TENM3: variants seen among roughly 807,000 people sequenced by gnomAD.
The protein encoded by TENM3 is teneurin-3.
A neutral mutation model predicts 255.1 loss-of-function variants in TENM3; 63 were observed. That is an observed-to-expected ratio of 0.25 (90% CI 0.20 to 0.30). The LOEUF (loss-of-function observed/expected upper bound fraction) is 0.30, where lower values mean the gene tolerates loss of function less well. Among genes scored for constraint, TENM3 ranks in the 10% least tolerant of loss-of-function variants. The pLI is 1.00. For missense variants in TENM3, 2,929 were observed against 3,461.1 expected (o/e 0.85, Z 3.86); for synonymous variants, 1,306 against 1,322.3 (o/e 0.99, Z 0.27).
At chr4:181,767,120 C>T in the TENM3 span, among the ~76,000 whole-genome samples, 39 of 144,740 alleles carry the variant, frequency 2.7e-4, no homozygotes, top group South Asian at 4.5e-4. Flanking sequence ...GGCGTGGTGG[C>T]GGGCGCCTGT....
At chr4:182,330,101 G>C (rs1347097177) in intron 2 of TENM3, among the ~76,000 whole-genome samples, 1 of 152,044 alleles carries the variant, frequency 6.6e-6, no homozygotes, top group East Asian at 1.9e-4. Context: ...CTTATTTGCA[G>C]AGAAGATACT....
chr4:182,517,596 GA>G (rs1175938834), intron 3 of TENM3, among the ~76,000 whole-genome samples: 1 of 131,112 alleles, frequency 7.6e-6, no homozygotes, highest in African/African-American at 2.9e-5. Context: ...TGTTAGCCAG[GA>G]TGGTCTCGAT....
In TENM3 at chr4:182,719,259, T is replaced by C. The variant is rs200790878; in HGVS notation, c.2368+5026T>C. On this transcript the variant is annotated intron_variant, in intron 13 of 27. Coordinates refer to ENST00000511685, the MANE Select transcript of TENM3 (RefSeq NM_001080477.4). ...TAGAGTTCTTTTTTTTTTCTTTTTTTTTTTTTTTTTTTTTTTTTTTGAGAC... is the reference window on the plus strand; with the variant it reads ...TAGAGTTCTTTTTTTTTTCTTTTTTCTTTTTTTTTTTTTTTTTTTTGAGAC... Among the ~76,000 whole-genome samples, 1,023 of 106,800 alleles carry C rather than the reference T, an allele frequency of 9.6e-3. 19 individuals are homozygous for C. Among genetic ancestry groups the C allele is most frequent in the South Asian group, 0.012 (40 of 3,208 alleles). The allele number at this position is 106,800 out of a possible 152,430, so 70.1% of individuals were successfully genotyped here.
the TENM3 span, among the ~76,000 whole-genome samples, chr4:182,067,746 A>G: frequency 1.3e-5 from 2 of 152,212 alleles, no homozygotes; most frequent in African/African-American, 4.8e-5. Context: ...TGCTCTGCTC[A>G]GGGATTAACC....
chr4:182,792,669 G>C lies in TENM3; in HGVS notation c.5997G>C (p.Leu1999=), dbSNP rs1284685181. ...TTAGATACAGGCAAATTGGTCCCCTGATTGACAGGCAGATTTTCCGCTTTA... is the reference window on the plus strand; with the variant it reads ...TTAGATACAGGCAAATTGGTCCCCTCATTGACAGGCAGATTTTCCGCTTTA... The part of the protein sequence containing the change: ...CTIRYRQIGP[L]IDRQIFRFSE... Residue 1999 remains leucine, a synonymous_variant, in exon 26 of 28, where the codon CTG becomes CTC. Coordinates refer to ENST00000511685, the MANE Select transcript of TENM3 (RefSeq NM_001080477.4). This position sits in a 1 kb window ranked among gnomAD's most constrained non-coding sequence, Gnocchi z 6.3. 6.2e-7 allele frequency: 1 copy of C among 1,613,942 alleles called. No individual in the cohort carries two copies. The highest frequency in any genetic ancestry group is 8.5e-7 in the Non-Finnish European group (1 of 1,179,898).
chr4:182,620,632 A>G (rs1332006972), intron 4 of TENM3, among the ~76,000 whole-genome samples: 1 of 152,244 alleles, frequency 6.6e-6, no homozygotes, highest in East Asian at 1.9e-4. Flanking sequence ...AAGTAGTTTC[A>G]AAATACATCA....
the TENM3 span, among the ~76,000 whole-genome samples, chr4:181,960,880 G>A: frequency 2.5e-3 from 380 of 151,908 alleles, no homozygotes; most frequent in Middle Eastern, 0.01. Context: ...TTATTTTTGC[G>A]TCATCTCCCC....
chr4:182,581,902 T>G (rs1745528464), intron 3 of TENM3, among the ~76,000 whole-genome samples: 1 of 152,194 alleles, frequency 6.6e-6, no homozygotes, highest in African/African-American at 2.4e-5. Flanking sequence ...GAGATTTTTT[T>G]AACCTCACAT....
the TENM3 span, among the ~76,000 whole-genome samples, chr4:181,763,413 C>T: frequency 6.6e-6 from 1 of 152,134 alleles, no homozygotes; most frequent in Non-Finnish European, 1.5e-5. Flanking sequence ...TGTCAAAAAA[C>T]AATAACCCCT....
the TENM3 span, among the ~76,000 whole-genome samples, chr4:181,900,566 G>C: frequency 6.6e-6 from 1 of 152,148 alleles, no homozygotes; most frequent in Non-Finnish European, 1.5e-5. Flanking sequence ...TAGAATTTCA[G>C]TCTTGACTTG....
the TENM3 span, among the ~76,000 whole-genome samples, chr4:182,088,703 A>G: frequency 2.6e-5 from 4 of 152,024 alleles, no homozygotes; most frequent in Non-Finnish European, 5.9e-5. Flanking sequence ...GCGTGGTGGC[A>G]AGCGCCTGTA....
the TENM3 span, among the ~76,000 whole-genome samples, chr4:181,811,648 C>A: frequency 6.6e-6 from 1 of 152,158 alleles, no homozygotes; most frequent in South Asian, 2.1e-4. Context: ...AGCAAAAGGG[C>A]GTCTTACATG....
At chr4:182,583,225 G>C (rs1745677845) in intron 3 of TENM3, among the ~76,000 whole-genome samples, 1 of 151,954 alleles carries the variant, frequency 6.6e-6, no homozygotes. Context: ...CCTTTACAAT[G>C]TTTTAAATCA....
At chr4:182,582,654 T>C (rs990152336) in intron 3 of TENM3, among the ~76,000 whole-genome samples, 3 of 152,174 alleles carry the variant, frequency 2.0e-5, no homozygotes, top group African/African-American at 7.2e-5. Context: ...ATAAGTCCTT[T>C]TTTTAAAAAA....
Position 182,743,273 on chromosome 4 carries a change from C to G in TENM3, c.3483C>G (p.Pro1161=). The change falls in exon 19 of 28, where the codon CCC becomes CCG. Residue 1161 remains proline, a synonymous_variant. Coordinates refer to ENST00000511685, the MANE Select transcript of TENM3 (RefSeq NM_001080477.4). ...GGCGAAGGCGCAGCATTTCCTGCCC[C>G]AGTTGCAATGGTCAAGCTGATGGTA... The part of the protein sequence containing the change: ...GNGRRRSISC[P]SCNGQADGNK... 6.2e-7 allele frequency: 1 copy of G among 1,614,036 alleles called. No homozygotes were observed. The highest frequency in any genetic ancestry group is 8.5e-7 in the Non-Finnish European group (1 of 1,179,896).
chr4:182,324,287 C>T (rs775459512), intron 2 of TENM3, 35 bp downstream of exon 2: 2 of 1,473,050 alleles, frequency 1.4e-6, no homozygotes, highest in South Asian at 1.1e-5. Flanking sequence ...AGGCAATGCT[C>T]ACGTTACTAA....
intron 5 of TENM3, among the ~76,000 whole-genome samples, chr4:182,633,135 T>G (rs1751537655): frequency 6.6e-6 from 1 of 152,072 alleles, no homozygotes; most frequent in African/African-American, 2.4e-5. Context: ...TCTCCCTATG[T>G]TTCCTAGATT....
chr4:182,651,134 A>G (rs529009819), intron 5 of TENM3, among the ~76,000 whole-genome samples: 10 of 152,062 alleles, frequency 6.6e-5, no homozygotes, highest in Non-Finnish European at 1.3e-4. Flanking sequence ...TTTTGTGTGG[A>G]AACTTTGACC....
At chr4:181,628,986 T>C in the TENM3 span, among the ~76,000 whole-genome samples, 1 of 152,194 alleles carries the variant, frequency 6.6e-6, no homozygotes, top group Non-Finnish European at 1.5e-5. Flanking sequence ...GGTCTTCCAT[T>C]TCTTTGTATC....
Sources: gnomAD v4.1 joint callset for allele counts (sites outside exome capture counted in the v4.1 genomes callset) on GRCh38, gnomAD v4.1.1 for gene constraint, Gnocchi (gnomAD v3.1) non-coding constraint, MANE v1.5 for transcripts, NCBI Gene and HGNC (gene_info 2026-07-23, HGNC 2026-07-21) for gene names.